The following SMARCB1 variants were observed in gnomAD, a reference collection of about 807,000 sequenced individuals.
SMARCB1 encodes SWI/SNF-related matrix-associated actin-dependent regulator of chromatin subfamily B member 1.
SMARCB1 carries 5 observed loss-of-function variants against 49.0 expected under a neutral mutation model. The observed-to-expected ratio is 0.10, with a 90% CI of 0.05 to 0.21. SMARCB1 has a LOEUF of 0.21. Among genes scored for constraint, SMARCB1 ranks in the 10% least tolerant of loss-of-function variants. The pLI, the probability that SMARCB1 is intolerant of heterozygous loss-of-function variation, is 1.00. For synonymous variants in SMARCB1, 201 were observed against 200.1 expected (o/e 1.00, Z -0.04); for missense variants, 226 against 509.2 (o/e 0.44, Z 5.35).
rs56800497 is a variant in SMARCB1, at chr22:23,830,649, C to CTTTTT, written c.987-2894_987-2890dup. ...TTCATTTTGATGTAGTCCAATTTAT[C>CTTTTT]TTTTTTTTTTTTTTTTTTTTTTTTT... On this transcript the variant is annotated intron_variant, in intron 7 of 8. Transcript: ENST00000644036. Among the ~76,000 whole-genome samples, 51 of 95,410 alleles carry CTTTTT rather than the reference C, an allele frequency of 5.3e-4. 6 individuals carry two copies. The highest frequency in any genetic ancestry group is 2.6e-3 in the South Asian group (6 of 2,326). The allele number at this position is 95,410 out of a possible 152,430, so 62.6% of individuals were successfully genotyped here.
rs550233133 is a variant in SMARCB1 at position 23,808,281 on chromosome 22, C to T, written c.628+4859C>T. On this transcript the variant is annotated intron_variant, in intron 5 of 8. Transcript: ENST00000644036. ...GACTACAGGTGCCCGCCGCCATGCC[C>T]GGCTAATTTTTTGTATTTTTTAGTA... 2.8e-3 allele frequency among the ~76,000 whole-genome samples: 424 copies of T among 152,236 alleles called. 2 individuals carry two copies. Among genetic ancestry groups the T allele is most frequent in the African/African-American group, 9.3e-3 (388 of 41,526 alleles).
chr22:23,806,969 T>G (rs1929535742), intron 5 of SMARCB1, among the ~76,000 whole-genome samples: 1 of 146,466 alleles, frequency 6.8e-6, no homozygotes. Flanking sequence ...AGGTTTCTGG[T>G]AGGTGTTGTG....
At position 23,834,812 on chromosome 22, in the gene SMARCB1, T is replaced by G. The variant is rs781778286; in HGVS notation, c.*632T>G. On this transcript the variant is annotated 3_prime_UTR_variant, in exon 9 of 9. Transcript: ENST00000644036. ...CTTTCAGGAACAGCCCTAACCCTGC[T>G]CCCCTTGCTTGGCCTCAGGAAGGTG... 3 of 1,607,470 alleles carry G rather than the reference T, an allele frequency of 1.9e-6. No homozygotes were observed. The highest frequency in any genetic ancestry group is 2.5e-6 in the Non-Finnish European group (3 of 1,177,430).
In SMARCB1 at chr22:23,814,579, C is replaced by T. The variant is rs34358342; in HGVS notation, c.629-2191C>T. ...ACTCGGGCGGGTGAGGCAGGAGAAT[C>T]GCTTGAACCTGGAAGGCAGAGGTTG... On this transcript the variant is annotated intron_variant, in intron 5 of 8. Transcript: ENST00000644036. Among the ~76,000 whole-genome samples, 38 of 149,302 alleles carry T rather than the reference C, an allele frequency of 2.5e-4. No homozygotes were observed. In the East Asian group the frequency reaches 6.4e-3, roughly 25 times the overall value.
chr22:23,797,340 G>A (rs182353544), intron 3 of SMARCB1, among the ~76,000 whole-genome samples: 45 of 134,574 alleles, frequency 3.3e-4, no homozygotes, highest in African/African-American at 1.2e-3. Flanking sequence ...ACGGAGTTTC[G>A]CTCTGTCGCC....
chr22:23,823,572 G>C (rs2030217407), intron 6 of SMARCB1: 1 of 152,444 alleles, frequency 6.6e-6, no homozygotes, highest in African/African-American at 2.4e-5. Flanking sequence ...AATACACCCT[G>C]CCTGTGCTAG....
At chr22:23,794,848 A>G (rs1928638638) in intron 3 of SMARCB1, among the ~76,000 whole-genome samples, 1 of 152,154 alleles carries the variant, frequency 6.6e-6, no homozygotes, top group Admixed American at 6.5e-5. Flanking sequence ...CAGTGAGCTG[A>G]GGTTGCACCT....
Position 23,803,473 on chromosome 22 carries a change from C to G in SMARCB1, c.628+51C>G, listed in dbSNP as rs775361848. The stretch of plus-strand genomic sequence containing the variant: ...GCCTGGCCCCAACCCCTGTGTGTTA[C>G]GTGGGAACAGTCCCGTTTCCTGCCA... On this transcript the variant is annotated intron_variant, in intron 5 of 8. Transcript: ENST00000644036. The G allele has an allele frequency of 5.6e-6, 9 of 1,607,830 alleles. No homozygotes were observed. In the East Asian group the frequency reaches 1.6e-4, roughly 28 times the overall value.
intron 1 of SMARCB1, among the ~76,000 whole-genome samples, chr22:23,791,071 G>A (rs576255219): frequency 3.3e-5 from 5 of 152,262 alleles, no homozygotes; most frequent in African/African-American, 1.2e-4. Flanking sequence ...CCCCTGCAAT[G>A]TGACTCCGAA....
chr22:23,803,143 T>C, intron 4 of SMARCB1, 152 bp from the exon 5 acceptor site: 2 of 988,392 alleles, frequency 2.0e-6, no homozygotes, highest in Non-Finnish European at 1.6e-6. Flanking sequence ...GGACCCCTGC[T>C]AGCCTCGTCT....
chr22:23,805,119 G>A (rs1929414252), intron 5 of SMARCB1, among the ~76,000 whole-genome samples: 2 of 152,194 alleles, frequency 1.3e-5, no homozygotes, highest in African/African-American at 4.8e-5. Context: ...GCTCACACCA[G>A]TGCCAGGCCT....
chr22:23,810,128 C>T (rs190457977), intron 5 of SMARCB1, among the ~76,000 whole-genome samples: 54 of 150,536 alleles, frequency 3.6e-4, no homozygotes, highest in African/African-American at 1.2e-3. Context: ...GCAGAGATTG[C>T]GCCATTGCAC....
In SMARCB1 at chr22:23,825,429, T is replaced by C. The variant is rs2146027286; in HGVS notation, c.986+14T>C. The C allele has an allele frequency of 1.2e-6, 2 of 1,610,300 alleles. No individual in the cohort carries two copies. Among genetic ancestry groups the C allele is most frequent in the South Asian group, 1.1e-5 (1 of 90,970 alleles). On this transcript the variant is annotated intron_variant, in intron 7 of 8. Coordinates refer to ENST00000644036, the MANE Select transcript of SMARCB1 (RefSeq NM_003073.5). ...CTACGCCTTCAGGTAGGATCATGCATGAGTCTCTCCCTCCCTCATCTCCCT... is the reference window on the plus strand; with the variant it reads ...CTACGCCTTCAGGTAGGATCATGCACGAGTCTCTCCCTCCCTCATCTCCCT...
chr22:23,792,936 CAG>C (rs982495439), intron 2 of SMARCB1: 1 of 170,464 alleles, frequency 5.9e-6, no homozygotes, highest in African/African-American at 2.4e-5. Flanking sequence ...ACTGGGCCCA[CAG>C]ACAGGTAGCT....
Position 23,834,205 on chromosome 22 carries a change from A to G in SMARCB1, c.*25A>G, listed in dbSNP as rs2030844465. The G allele has an allele frequency of 1.9e-6, 3 of 1,575,302 alleles. No homozygotes were observed. In the Admixed American group the frequency reaches 5.4e-5, roughly 28 times the overall value. ...ACCAGCCCATCAGCACACGGCTCCC[A>G]CGGAGCATCTCAGAAGATTGGGCCG... is the stretch of plus-strand genomic sequence containing the variant. On this transcript the variant is annotated 3_prime_UTR_variant, in exon 9 of 9. Transcript: ENST00000644036.
rs1002770276 is a variant in SMARCB1 at position 23,793,680 on chromosome 22, C to G, written c.354C>G (p.Thr118=). The change falls in exon 3 of 9, where the codon ACC becomes ACG. Residue 118 remains threonine, a synonymous_variant. Transcript: ENST00000644036. ...KAVSISTEPP[T]YLREQKAKRN... ...TGTCCATCAGCACAGAGCCCCCCAC[C>G]TACCTCAGGTAATGCGTTCCTGGCC... 6.2e-7 allele frequency: 1 copy of G among 1,614,198 alleles called. No homozygotes were observed. The highest frequency in any genetic ancestry group is 8.5e-7 in the Non-Finnish European group (1 of 1,180,036).
At chr22:23,788,712 C>T (rs891813222) in intron 1 of SMARCB1, among the ~76,000 whole-genome samples, 1 of 152,158 alleles carries the variant, frequency 6.6e-6, no homozygotes, top group African/African-American at 2.4e-5. Flanking sequence ...ACACTCAGCG[C>T]ATTCATACTT....
intron 5 of SMARCB1, among the ~76,000 whole-genome samples, chr22:23,814,600 G>A (rs1245077720): frequency 9.2e-5 from 14 of 151,824 alleles, no homozygotes; most frequent in Admixed American, 9.2e-4. Flanking sequence ...GGAAGGCAGA[G>A]GTTGCTGTGA....
At chr22:23,801,630 T>C in intron 4 of SMARCB1, 1 of 342,036 alleles carries the variant, frequency 2.9e-6, no homozygotes, top group Non-Finnish European at 5.8e-6. Context: ...CTTTGGGGGC[T>C]GCCACGTTCC....
Sources: gnomAD v4.1 joint callset for allele counts (sites outside exome capture counted in the v4.1 genomes callset) on GRCh38, gnomAD v4.1.1 for gene constraint, MANE v1.5 for transcripts, NCBI Gene and HGNC (gene_info 2026-07-23, HGNC 2026-07-21) for gene names.